The following CTNND2 variants were observed in gnomAD, a reference collection of about 807,000 sequenced individuals.
CTNND2 encodes the protein catenin delta-2.
A neutral mutation model predicts 144.4 loss-of-function variants in CTNND2; 22 were observed. The ratio of observed to expected loss-of-function variants is 0.15; its 90% confidence interval spans 0.11 to 0.22. CTNND2 has a LOEUF of 0.22. Among genes scored for constraint, CTNND2 ranks in the 10% least tolerant of loss-of-function variants. The probability of loss-of-function intolerance (pLI) is 1.00; values close to 1 mark genes in which losing one functional copy is unlikely to be tolerated. For missense variants in CTNND2, 1,353 were observed against 1,618.8 expected (o/e 0.84, Z 2.82); for synonymous variants, 751 against 695.6 (o/e 1.08, Z -1.25).
At chr5:11,401,553 T>C (rs561519532) in intron 5 of CTNND2, among the ~76,000 whole-genome samples, 2 of 152,178 alleles carry the variant, frequency 1.3e-5, no homozygotes, top group African/African-American at 4.8e-5. Context: ...TGACCATAGA[T>C]GATGATGACA....
At chr5:11,473,922 T>C (rs1030270238) in intron 3 of CTNND2, among the ~76,000 whole-genome samples, 3 of 152,210 alleles carry the variant, frequency 2.0e-5, no homozygotes, top group African/African-American at 7.2e-5. Flanking sequence ...ACACTCCCCT[T>C]CCTCTCAAAT....
At chr5:11,175,691 C>T (rs1034747416) in intron 11 of CTNND2, among the ~76,000 whole-genome samples, 1 of 151,802 alleles carries the variant, frequency 6.6e-6, no homozygotes, top group Non-Finnish European at 1.5e-5. Context: ...GTTTGAAATG[C>T]TTTCCATATA....
At chr5:11,534,287 G>A (rs1774017469) in intron 3 of CTNND2, among the ~76,000 whole-genome samples, 1 of 152,160 alleles carries the variant, frequency 6.6e-6, no homozygotes, top group African/African-American at 2.4e-5. Flanking sequence ...GAAAATCTAG[G>A]GAACAGTGTA....
At chr5:11,079,500 A>AGCCTTG (rs1036884590) in intron 16 of CTNND2, among the ~76,000 whole-genome samples, 5 of 152,196 alleles carry the variant, frequency 3.3e-5, no homozygotes, top group Admixed American at 2.6e-4. Flanking sequence ...GAGATCAATC[A>AGCCTTG]GCCTTGGCCT....
rs551017008 is a variant in CTNND2, at chr5:10,996,519, TC to T, written c.3085-3843del. Reference sequence around the variant, plus strand: ...ATTAAACAGCCCTCGAGGAGGGGGCTCGGGGGGCTGTGTCCTCAGGGCCGAC... The same window carrying T: ...ATTAAACAGCCCTCGAGGAGGGGGCTGGGGGGCTGTGTCCTCAGGGCCGAC... On this transcript the variant is annotated intron_variant, in intron 18 of 21. Transcript: ENST00000304623. Among the ~76,000 whole-genome samples the T allele has an allele frequency of 1.8e-4, 28 of 151,930 alleles. No individual in the cohort carries two copies. The East Asian group carries it at 5.5e-3, about 30-fold the overall frequency.
At chr5:11,125,507 G>A (rs1293284066) in intron 12 of CTNND2, among the ~76,000 whole-genome samples, 6 of 152,208 alleles carry the variant, frequency 3.9e-5, no homozygotes, top group African/African-American at 1.4e-4. Context: ...ACATCACAGG[G>A]GATCTGCAGT....
chr5:11,338,243 T>C (rs1321970188), intron 9 of CTNND2, among the ~76,000 whole-genome samples: 1 of 152,178 alleles, frequency 6.6e-6, no homozygotes, highest in African/African-American at 2.4e-5. Flanking sequence ...AGCTTGGATT[T>C]GGCTTTTTGC....
chr5:11,278,621 G>C (rs536037787), intron 9 of CTNND2, among the ~76,000 whole-genome samples: 77 of 152,348 alleles, frequency 5.1e-4, no homozygotes, highest in African/African-American at 1.5e-3. Flanking sequence ...GAGACAGGGG[G>C]AGGGGATGTG....
At chr5:11,161,108 C>A (rs1006419897) in intron 11 of CTNND2, among the ~76,000 whole-genome samples, 1 of 152,124 alleles carries the variant, frequency 6.6e-6, no homozygotes, top group Admixed American at 6.5e-5. Flanking sequence ...AACCTGAAGG[C>A]AAATCTAGCT....
intron 12 of CTNND2, among the ~76,000 whole-genome samples, chr5:11,143,510 C>T (rs549356536): frequency 2.0e-5 from 3 of 152,278 alleles, no homozygotes; most frequent in East Asian, 3.9e-4. Flanking sequence ...TTCATCTTCA[C>T]GTGGATGTTC....
chr5:11,309,837 AT>A (rs1750617386), intron 9 of CTNND2, among the ~76,000 whole-genome samples: 1 of 151,968 alleles, frequency 6.6e-6, no homozygotes, highest in Non-Finnish European at 1.5e-5. Flanking sequence ...ATGGGGGCAG[AT>A]TTCCCCCCTG....
intron 10 of CTNND2, among the ~76,000 whole-genome samples, chr5:11,214,185 T>C (rs1375117473): frequency 1.3e-5 from 2 of 152,208 alleles, no homozygotes; most frequent in Non-Finnish European, 2.9e-5. Flanking sequence ...CAATAATAAA[T>C]AGTAAAATGC....
chr5:11,879,339 G>GTATATACATATATATATATATATATATA (rs368634452), intron 1 of CTNND2, among the ~76,000 whole-genome samples: 1 of 100,964 alleles, frequency 9.9e-6, no homozygotes, highest in Non-Finnish European at 2.2e-5. Flanking sequence ...AATTAAATGT[G>GTATATACATATATATATATATATATATA]TGTATATATA....
intron 1 of CTNND2, among the ~76,000 whole-genome samples, chr5:11,890,150 C>T (rs1024836461): frequency 5.3e-5 from 8 of 152,142 alleles, no homozygotes; most frequent in African/African-American, 1.9e-4. Flanking sequence ...CTGCAGTTCA[C>T]AGTCCACTAC....
At chr5:11,516,389 G>A (rs1772168853) in intron 3 of CTNND2, among the ~76,000 whole-genome samples, 1 of 151,932 alleles carries the variant, frequency 6.6e-6, no homozygotes, top group Non-Finnish European at 1.5e-5. Context: ...TATAGGAAAT[G>A]AAGAAGTAAG....
At chr5:11,889,025 T>C (rs577068759) in intron 1 of CTNND2, among the ~76,000 whole-genome samples, 3 of 152,254 alleles carry the variant, frequency 2.0e-5, no homozygotes, top group Admixed American at 1.3e-4. Flanking sequence ...GCTGTGATTA[T>C]AGATGTGAGT....
In CTNND2 at chr5:11,419,779, C is replaced by G. The variant is rs180977856; in HGVS notation, c.288-7710G>C. On this transcript the variant is annotated intron_variant, in intron 3 of 21. Transcript: ENST00000304623. ...TTTTTCTTAATGCCAGGAAAAGACA[C>G]AAAGCAAACCATTACTAGAGATATT... 2.5e-3 allele frequency among the ~76,000 whole-genome samples: 380 copies of G among 152,252 alleles called. 4 individuals carry two copies. The highest frequency in any genetic ancestry group is 8.7e-3 in the African/African-American group (360 of 41,550).
At chr5:11,808,978 C>T (rs1237699730) in intron 1 of CTNND2, among the ~76,000 whole-genome samples, 1 of 152,148 alleles carries the variant, frequency 6.6e-6, no homozygotes, top group Non-Finnish European at 1.5e-5. Context: ...GAATTATCAT[C>T]GCTGAGGCTG....
At chr5:11,018,929 G>A (rs1157311863) in intron 17 of CTNND2, among the ~76,000 whole-genome samples, 4 of 151,882 alleles carry the variant, frequency 2.6e-5, no homozygotes, top group African/African-American at 4.8e-5. Flanking sequence ...GGCTGGTCTC[G>A]AACTCCTGAC....
Sources: allele counts gnomAD v4.1 joint callset (sites outside exome capture counted in the v4.1 genomes callset), GRCh38; gene constraint gnomAD v4.1.1; transcripts MANE v1.5; gene names NCBI Gene and HGNC (gene_info 2026-07-23, HGNC 2026-07-21).